Variants in SANBR observed in about 807,000 individuals in gnomAD.
The protein encoded by SANBR is SANT and BTB domain regulator of CSR, also known as SANT and BTB domain regulator of class switch recombination.
Under a neutral mutation model 101.8 loss-of-function variants are expected in SANBR, and 77 were observed. The observed-to-expected ratio is 0.76, with a 90% CI of 0.63 to 0.91. The LOEUF (loss-of-function observed/expected upper bound fraction) is 0.91, where lower values mean the gene tolerates loss of function less well. SANBR is among the 40% of genes least tolerant of loss of function. SANBR has a pLI of 0.00. For missense variants in SANBR, 875 were observed against 853.0 expected, an observed-to-expected ratio of 1.03 and a Z score of -0.32; for synonymous variants, 279 against 274.7, an observed-to-expected ratio of 1.02 and a Z score of -0.15.
chr2:61,078,917 T>TA (rs1383906706), intron 6 of SANBR, among the ~76,000 whole-genome samples: 1 of 151,734 alleles, frequency 6.6e-6, no homozygotes, highest in Admixed American at 6.6e-5. Context: ...CACCCACCTG[T>TA]AATCCCAGCT....
rs764130844 is a variant in SANBR at position 61,117,336 on chromosome 2, ATGT to A, written c.1837-17_1837-15del. The A allele has an allele frequency of 5.6e-6, 9 of 1,610,934 alleles. No individual in the cohort carries two copies. Among genetic ancestry groups the A allele is most frequent in the Non-Finnish European group, 8.5e-7 (1 of 1,177,396 alleles). ...GTAAACATGTTCTAATTGGGCCTTA[ATGT>A]TGTCTACTTTTTTTTAGTCAGCTTC... is the stretch of plus-strand genomic sequence containing the variant. On this transcript the variant is annotated intron_variant, in intron 17 of 21. Transcript: ENST00000402291.
chr2:61,066,220 G>C (rs1681145810), intron 1 of SANBR, 193 bp downstream of exon 1: 2 of 152,738 alleles, frequency 1.3e-5, no homozygotes, highest in Non-Finnish European at 2.9e-5. Flanking sequence ...GCTGGCCCGC[G>C]TCCCGTCACC....
At chr2:61,115,773 G>T in intron 16 of SANBR, 2 of 370,722 alleles carry the variant, frequency 5.4e-6, no homozygotes, top group South Asian at 4.4e-5. Flanking sequence ...AAAAGAAAAT[G>T]AACCCCTGTA....
chr2:61,099,409 G>A (rs974759838), intron 12 of SANBR, among the ~76,000 whole-genome samples: 76 of 152,300 alleles, frequency 5.0e-4, no homozygotes, highest in African/African-American at 1.8e-3. Flanking sequence ...CTGACAGATT[G>A]TATTACAGAG....
At chr2:61,107,872 T>G (rs1683650502) in intron 14 of SANBR, among the ~76,000 whole-genome samples, 2 of 150,290 alleles carry the variant, frequency 1.3e-5, no homozygotes, top group Admixed American at 1.3e-4. Flanking sequence ...GGTGACAGAG[T>G]GAGACTCTGT....
At chr2:61,076,117 C>A (rs995271610) in intron 5 of SANBR, among the ~76,000 whole-genome samples, 1 of 151,402 alleles carries the variant, frequency 6.6e-6, no homozygotes, top group Admixed American at 6.6e-5. Flanking sequence ...CCTCAGCCTC[C>A]TAGGTAGCTG....
intron 13 of SANBR, among the ~76,000 whole-genome samples, chr2:61,104,587 C>A (rs188296207): frequency 6.6e-6 from 1 of 152,076 alleles, no homozygotes. Flanking sequence ...GAGGCCCTCT[C>A]AACCAATTGA....
intron 2 of SANBR, chr2:61,069,591 G>GA (rs1681353138): frequency 6.6e-6 from 1 of 152,306 alleles, no homozygotes; most frequent in Non-Finnish European, 1.5e-5. Context: ...CTGAATCATA[G>GA]ATATAACTAG....
At chr2:61,081,601 A>AC in intron 7 of SANBR, 91 bp downstream of exon 7, 1 of 1,285,296 alleles carries the variant, frequency 7.8e-7, no homozygotes, top group Non-Finnish European at 1.1e-6. Flanking sequence ...GACTTTATTA[A>AC]AATTATTGTT....
At chr2:61,115,026 T>G (rs1293555162) in intron 16 of SANBR, among the ~76,000 whole-genome samples, 1 of 152,224 alleles carries the variant, frequency 6.6e-6, no homozygotes, top group Non-Finnish European at 1.5e-5. Context: ...TTTCTTCTTA[T>G]GTATTTTTCA....
chr2:61,097,955 C>T (rs1573629962), intron 12 of SANBR, 103 bp downstream of exon 12: 2 of 920,842 alleles, frequency 2.2e-6, no homozygotes, highest in East Asian at 5.2e-5. Flanking sequence ...TAGTAAGAAG[C>T]CGTTCCTCTT....
rs557917241 is a variant in SANBR at position 61,076,483 on chromosome 2, C to T, written c.432-437C>T. The stretch of plus-strand genomic sequence containing the variant: ...ATACAAAAAAAAAAAAAAAAATTAG[C>T]TGGGCGCCATGGTGGGCGCCTGTAG... On this transcript the variant is annotated intron_variant, in intron 5 of 21. Transcript: ENST00000402291. Among the ~76,000 whole-genome samples, 654 of 146,322 alleles carry T rather than the reference C, an allele frequency of 4.5e-3. 4 individuals are homozygous for T. Among genetic ancestry groups the T allele is most frequent in the African/African-American group, 0.015 (602 of 39,900 alleles).
chr2:61,135,368 A>G (rs1366554684), intron 21 of SANBR, among the ~76,000 whole-genome samples: 1 of 152,236 alleles, frequency 6.6e-6, no homozygotes, highest in Non-Finnish European at 1.5e-5. Flanking sequence ...TACCAAGGGA[A>G]GAAAGCTGAC....
chr2:61,076,708 T>C (rs112139633), intron 5 of SANBR, among the ~76,000 whole-genome samples: 1 of 152,154 alleles, frequency 6.6e-6, no homozygotes, highest in Non-Finnish European at 1.5e-5. Flanking sequence ...CCATATTTTG[T>C]TTTATTACGT....
rs116081453 is a variant in SANBR at position 61,131,306 on chromosome 2, A to C, written c.2029-2831A>C. 6.3e-3 allele frequency among the ~76,000 whole-genome samples: 956 copies of C among 152,280 alleles called. 6 individuals are homozygous for C. The highest frequency in any genetic ancestry group is 0.022 in the African/African-American group (912 of 41,556). The stretch of plus-strand genomic sequence containing the variant: ...ATCCTGTATGCAGGAAATTCTATGA[A>C]ATCACTAAAAAAAATTAGGACAGAT... On this transcript the variant is annotated intron_variant, in intron 20 of 21. Transcript: ENST00000295031.
chr2:61,118,033 C>T lies in SANBR; in HGVS notation c.1945C>T (p.Arg649Trp), dbSNP rs767649200. ...NQDAQREDDQ[R>W]RMTEITGHLI... ...TACTGTTTTTTTCCCTTCAGATCAA[C>T]GGCGAATGACTGAAATTACAGGGCA... Residue 649 changes from arginine to tryptophan, a missense_variant, in exon 20 of 22, where the codon CGG becomes TGG. By Grantham distance (101) the Arg-to-Trp change is moderately radical (BLOSUM62 -3). Transcript: ENST00000402291. 2.9e-5 allele frequency: 47 copies of T among 1,612,196 alleles called. No individual in the cohort carries two copies. The highest frequency in any genetic ancestry group is 8.4e-5 in the Admixed American group (5 of 59,848).
chr2:61,090,878 T>C (rs558817718), intron 10 of SANBR, among the ~76,000 whole-genome samples: 2 of 152,168 alleles, frequency 1.3e-5, no homozygotes, highest in South Asian at 4.1e-4. Flanking sequence ...TCCTGGCAGA[T>C]GTATACATTT....
At chr2:61,090,882 T>C (rs1357465674) in intron 10 of SANBR, among the ~76,000 whole-genome samples, 1 of 151,932 alleles carries the variant, frequency 6.6e-6, no homozygotes, top group Non-Finnish European at 1.5e-5. Flanking sequence ...GGCAGATGTA[T>C]ACATTTAAAA....
Position 61,073,545 on chromosome 2 carries a change from C to G in SANBR, c.425C>G (p.Ser142Cys), listed in dbSNP as rs758135730. The change falls in exon 5 of 22, where the codon TCT becomes TGT. Residue 142 changes from serine to cysteine, a missense_variant. By Grantham distance (112) the Ser-to-Cys change is moderately radical. Coordinates refer to ENST00000402291, the MANE Select transcript of SANBR (RefSeq NM_001129993.3). ...AATGGTGGAGAAATGACTGAAGAAT[C>G]TGAAGGGTAGGCGGCTGGTTGTTTG... ...THNGGEMTEE[S>C]EGPNMVIHVC... 6 of 1,568,214 alleles carry G rather than the reference C, an allele frequency of 3.8e-6. No homozygotes were observed. The highest frequency in any genetic ancestry group is 5.2e-6 in the Non-Finnish European group (6 of 1,149,658).
Sources: gnomAD v4.1 joint callset for allele counts (sites outside exome capture counted in the v4.1 genomes callset) on GRCh38, gnomAD v4.1.1 for gene constraint, MANE v1.5 for transcripts, NCBI Gene and HGNC (gene_info 2026-07-23, HGNC 2026-07-21) for gene names.